DNM2: variants seen among roughly 807,000 people sequenced by gnomAD.
DNM2 encodes dynamin-2.
Under a neutral mutation model 99.0 loss-of-function variants are expected in DNM2, and 15 were observed. That is an observed-to-expected ratio of 0.15 (90% CI 0.10 to 0.23). The LOEUF (loss-of-function observed/expected upper bound fraction) is 0.23. Among genes scored for constraint, DNM2 ranks in the 10% least tolerant of loss-of-function variants. DNM2 has a pLI of 1.00. For missense variants in DNM2, 742 were observed against 1,189.4 expected, an observed-to-expected ratio of 0.62 and a Z score of 5.53; for synonymous variants, 525 against 481.2, an observed-to-expected ratio of 1.09 and a Z score of -1.19.
chr19:10,757,692 C>G (rs866659595), intron 1 of DNM2, among the ~76,000 whole-genome samples: 3 of 152,086 alleles, frequency 2.0e-5, no homozygotes, highest in African/African-American at 7.2e-5. Context: ...CACCTGTAAA[C>G]CCAGCACTTT....
chr19:10,725,463 G>C (rs1032275321), intron 1 of DNM2, among the ~76,000 whole-genome samples: 7 of 150,622 alleles, frequency 4.6e-5, no homozygotes, highest in African/African-American at 1.7e-4. Context: ...AAAAAAAAAG[G>C]AAAAAAGGAA....
chr19:10,815,636 G>A (rs2072710641), intron 15 of DNM2, among the ~76,000 whole-genome samples: 1 of 152,186 alleles, frequency 6.6e-6, no homozygotes, highest in African/African-American at 2.4e-5. Flanking sequence ...GCTGGAGGCT[G>A]TGTCAGGTGC....
intron 1 of DNM2, among the ~76,000 whole-genome samples, chr19:10,732,228 C>T (rs1480731914): frequency 7.0e-6 from 1 of 141,894 alleles, no homozygotes; most frequent in Non-Finnish European, 1.5e-5. Flanking sequence ...GCTGGGATTA[C>T]AGGCATGAGC....
intron 1 of DNM2, among the ~76,000 whole-genome samples, chr19:10,720,216 A>AT (rs778787809): frequency 0.081 from 11,454 of 140,588 alleles, 1,122 homozygotes; most frequent in East Asian, 0.3. Flanking sequence ...TTATTTATTT[A>AT]TTTTTTTTTT....
intron 2 of DNM2, among the ~76,000 whole-genome samples, chr19:10,770,347 G>A (rs1270192505): frequency 6.6e-6 from 1 of 152,044 alleles, no homozygotes; most frequent in Admixed American, 6.6e-5. Flanking sequence ...GCGCATCTTC[G>A]CATCTCCGGG....
At chr19:10,727,383 T>G (rs1322092911) in intron 1 of DNM2, among the ~76,000 whole-genome samples, 1 of 152,092 alleles carries the variant, frequency 6.6e-6, no homozygotes, top group Non-Finnish European at 1.5e-5. Flanking sequence ...TGTTTTTTTT[T>G]GAGACGGGAT....
intron 1 of DNM2, among the ~76,000 whole-genome samples, chr19:10,729,259 G>T (rs59115260): frequency 0.056 from 8,477 of 151,362 alleles, 599 homozygotes; most frequent in East Asian, 0.32. Context: ...TGAGGCAGGA[G>T]AATTACTTGA....
intron 1 of DNM2, among the ~76,000 whole-genome samples, chr19:10,733,481 C>G (rs904676855): frequency 7.9e-5 from 12 of 152,004 alleles, no homozygotes; most frequent in African/African-American, 2.7e-4. Flanking sequence ...GCATGAGCCA[C>G]AACGCCCTGC....
intron 15 of DNM2, among the ~76,000 whole-genome samples, chr19:10,819,593 A>G (rs932640788): frequency 3.3e-5 from 5 of 152,204 alleles, no homozygotes; most frequent in East Asian, 1.9e-4. Flanking sequence ...ACCTAGGTCA[A>G]TAAGCACAGG....
chr19:10,783,142 A>T, intron 6 of DNM2, 22 bp downstream of exon 6: 2 of 1,606,756 alleles, frequency 1.2e-6, no homozygotes, highest in Non-Finnish European at 8.5e-7. Context: ...GTTTGCACGT[A>T]GTGTGCAGTG....
intron 5 of DNM2, among the ~76,000 whole-genome samples, chr19:10,779,052 A>G (rs2071251862): frequency 6.6e-6 from 1 of 152,012 alleles, no homozygotes; most frequent in Non-Finnish European, 1.5e-5. Context: ...TGTCTGTACT[A>G]AAAATACAAA....
At chr19:10,739,619 T>G (rs991279951) in intron 1 of DNM2, among the ~76,000 whole-genome samples, 1 of 152,158 alleles carries the variant, frequency 6.6e-6, no homozygotes, top group African/African-American at 2.4e-5. Flanking sequence ...TTTGGGAGGC[T>G]GAGGCGGGCA....
chr19:10,825,163 TCAA>T lies in DNM2; in HGVS notation c.2004_2006del (p.Asn668del). 1 of 1,614,202 alleles carries T rather than the reference TCAA, an allele frequency of 6.2e-7. No homozygotes were observed. Among genetic ancestry groups the T allele is most frequent in the South Asian group, 1.1e-5 (1 of 91,088 alleles). ...CTGGTGGACTCATACGTGGCCATCA[TCAA>T]CAAGTCCATCCGCGACCTCATGCCA... is the stretch of plus-strand genomic sequence containing the variant. On this transcript the variant is annotated inframe_deletion, in exon 18 of 21. Coordinates refer to ENST00000389253, the MANE Select transcript of DNM2 (RefSeq NM_001005361.3).
rs147940205 is a variant in DNM2 at position 10,782,647 on chromosome 19, C to T, written c.689-313C>T. On this transcript the variant is annotated intron_variant, in intron 5 of 20. Transcript: ENST00000389253. Reference sequence around the variant, plus strand: ...TGATGGGATTACAGGCGTGAGCCACCGCTCCCGGCCGAGATTTTTTTCTCA... The same window carrying T: ...TGATGGGATTACAGGCGTGAGCCACTGCTCCCGGCCGAGATTTTTTTCTCA... Among the ~76,000 whole-genome samples, 48 of 152,296 alleles carry T rather than the reference C, an allele frequency of 3.2e-4. No homozygotes were observed. In the East Asian group the frequency reaches 8.3e-3, roughly 26 times the overall value.
At chr19:10,827,349 G>C (rs539359709) in intron 18 of DNM2, among the ~76,000 whole-genome samples, 83 of 152,156 alleles carry the variant, frequency 5.5e-4, no homozygotes, top group Admixed American at 2.2e-3. Context: ...TGTTTTCCAT[G>C]ATGTTTTATA....
rs987114068 is a variant in DNM2, at chr19:10,772,169, T to G, written c.236-310T>G. The stretch of plus-strand genomic sequence containing the variant: ...ATCTCGGCTCACTACAACCTCCGCC[T>G]CCCGGGTTCAAGCAATTATCCTGCC... On this transcript the variant is annotated intron_variant, in intron 2 of 20. Transcript: ENST00000389253. The surrounding 1 kb of genome is among the most constrained non-coding windows in gnomAD (Gnocchi z 4.9). 4.0e-5 allele frequency among the ~76,000 whole-genome samples: 6 copies of G among 151,826 alleles called. No homozygotes were observed. Among genetic ancestry groups the G allele is most frequent in the Admixed American group, 3.9e-4 (6 of 15,210 alleles).
At chr19:10,722,168 T>A (rs531350299) in intron 1 of DNM2, among the ~76,000 whole-genome samples, 25 of 152,290 alleles carry the variant, frequency 1.6e-4, no homozygotes, top group African/African-American at 6.0e-4. Flanking sequence ...TTGTCCCTTG[T>A]GGCAGTAATG....
intron 5 of DNM2, among the ~76,000 whole-genome samples, chr19:10,778,013 T>A (rs2071211930): frequency 7.2e-6 from 1 of 138,046 alleles, no homozygotes; most frequent in Non-Finnish European, 1.5e-5. Context: ...ATATTTTATT[T>A]TTTCATTTTA....
intron 19 of DNM2, 37 bp downstream of exon 19, chr19:10,829,305 GCCTGCAGGTTCCTGCCCTCCCTGTGTGT>G (rs763327882): frequency 5.6e-6 from 9 of 1,604,768 alleles, no homozygotes; most frequent in Non-Finnish European, 7.6e-6. Flanking sequence ...CAAGCATTCG[GCCTGCAGGTTCCTGCCCTCCCTGTGTGT>G]CCTGCAGGGT....
Sources: allele counts gnomAD v4.1 joint callset (sites outside exome capture counted in the v4.1 genomes callset), GRCh38; gene constraint gnomAD v4.1.1; non-coding constraint Gnocchi (gnomAD v3.1); transcripts MANE v1.5; gene names NCBI Gene and HGNC (gene_info 2026-07-23, HGNC 2026-07-21).